Variants in CCL26 observed in about 807,000 individuals in gnomAD.
The protein encoded by CCL26 is C-C motif chemokine 26.
In CCL26, 10 loss-of-function variants were observed where a neutral mutation model predicts 10.7. That is an observed-to-expected ratio of 0.93 (90% CI 0.57 to 1.58). CCL26 has a LOEUF of 1.58. Ranked by LOEUF, CCL26 falls within the 40% of genes most tolerant of loss-of-function variation. The probability of loss-of-function intolerance (pLI) is 0.00; values close to 1 mark genes in which losing one functional copy is unlikely to be tolerated. For synonymous variants in CCL26, 43 were observed against 41.4 expected (o/e 1.04, Z -0.15); for missense variants, 116 against 111.0 (o/e 1.05, Z -0.20).
chr7:75,786,702 T>G lies in CCL26; in HGVS notation c.-79+3015A>C, dbSNP rs1554530037. ...AGCAGCTAACGTTCCAATGGCCAGTTTTTCTTCTTCTCATCGGTCACTCCC... is the reference window on the plus strand; with the variant it reads ...AGCAGCTAACGTTCCAATGGCCAGTGTTTCTTCTTCTCATCGGTCACTCCC... On this transcript the variant is annotated intron_variant, in intron 1 of 3. Transcript: ENST00000394905. Among the ~76,000 whole-genome samples the G allele has an allele frequency of 2.0e-5, 3 of 152,100 alleles. No individual in the cohort carries two copies. In the East Asian group the frequency reaches 5.8e-4, roughly 29 times the overall value.
intron 2 of CCL26, among the ~76,000 whole-genome samples, chr7:75,770,114 C>T (rs1414531065): frequency 2.7e-5 from 4 of 150,894 alleles, no homozygotes; most frequent in African/African-American, 7.3e-5. Context: ...CTGTTGCCCA[C>T]ATTGGAGTGC....
upstream of CCL26, chr7:75,772,212 A>T: frequency 6.8e-7 from 1 of 1,473,262 alleles, no homozygotes; most frequent in East Asian, 2.5e-5. Context: ...GGTTTCTCCC[A>T]AACTCCTCCT....
chr7:75,769,562 A>T lies in CCL26; in HGVS notation c.*131T>A, dbSNP rs2115626956. On this transcript the variant is annotated 3_prime_UTR_variant, in exon 3 of 3. Transcript: ENST00000005180. ...CTCTATGAACAACCTTTATTAAAGTAACTCTGGGAGGAAACACCCTCTCCT... is the reference window on the plus strand; with the variant it reads ...CTCTATGAACAACCTTTATTAAAGTTACTCTGGGAGGAAACACCCTCTCCT... 1 of 581,512 alleles carries T rather than the reference A, an allele frequency of 1.7e-6. No homozygotes were observed. The highest frequency in any genetic ancestry group is 3.0e-5 in the Admixed American group (1 of 32,840). The allele number at this position is 581,512 out of a possible 1,614,324, so 36.0% of individuals were successfully genotyped here.
At chr7:75,790,517 A>C (rs1168515906), upstream of CCL26, among the ~76,000 whole-genome samples, 2 of 151,930 alleles carry the variant, frequency 1.3e-5, no homozygotes, top group Non-Finnish European at 2.9e-5. Context: ...CTCCCACCTC[A>C]GCCTCCCAAA....
intron 1 of CCL26, among the ~76,000 whole-genome samples, chr7:75,785,842 G>C (rs1313449851): frequency 2.6e-5 from 4 of 151,894 alleles, no homozygotes; most frequent in African/African-American, 9.7e-5. Context: ...AAAGTGCAGG[G>C]CTGTGCAGTT....
chr7:75,773,203 A>AAT (rs555629442), upstream of CCL26, among the ~76,000 whole-genome samples: 1,198 of 151,684 alleles, frequency 7.9e-3, 8 homozygotes, highest in Middle Eastern at 0.014. Context: ...AACAACAAAT[A>AAT]ATATATATAT....
At chr7:75,789,743 C>T (rs554361692) in exon 1 of CCL26, 1 of 152,182 alleles carries the variant, frequency 6.6e-6, no homozygotes, top group Non-Finnish European at 1.5e-5. Context: ...AGCCTCAATT[C>T]CAGACTCCTG....
intron 2 of CCL26, among the ~76,000 whole-genome samples, 168 bp downstream of exon 2, chr7:75,771,721 A>C (rs910798090): frequency 2.6e-5 from 4 of 152,160 alleles, no homozygotes; most frequent in African/African-American, 4.8e-5. Context: ...CGTCTCAAAA[A>C]GAGAAAAAAA....
chr7:75,780,143 C>T (rs1803029976), intron 1 of CCL26, among the ~76,000 whole-genome samples: 1 of 149,856 alleles, frequency 6.7e-6, no homozygotes, highest in South Asian at 2.2e-4. Context: ...ACCTTTTCTC[C>T]ACTTTCCTGG....
intron 1 of CCL26, among the ~76,000 whole-genome samples, chr7:75,780,061 C>A (rs1803027783): frequency 6.6e-6 from 1 of 150,556 alleles, no homozygotes; most frequent in African/African-American, 2.5e-5. Flanking sequence ...TCTACCCTCT[C>A]TTTTCTCCAC....
intron 1 of CCL26, among the ~76,000 whole-genome samples, chr7:75,788,173 T>G (rs1340361225): frequency 3.9e-5 from 6 of 152,138 alleles, no homozygotes; most frequent in Admixed American, 2.0e-4. Context: ...ATGTCAGGCC[T>G]CTGAGCCCAA....
At chr7:75,779,461 T>G (rs1488419140) in intron 1 of CCL26, among the ~76,000 whole-genome samples, 2 of 152,202 alleles carry the variant, frequency 1.3e-5, no homozygotes, top group African/African-American at 2.4e-5. Context: ...ATTGGGTAAG[T>G]GGCCTCTCTT....
At chr7:75,779,301 C>T (rs782393082) in intron 1 of CCL26, among the ~76,000 whole-genome samples, 2 of 152,126 alleles carry the variant, frequency 1.3e-5, no homozygotes. Context: ...CACACGGACG[C>T]GAGTGGAATT....
At chr7:75,778,404 T>A (rs1296165432) in intron 1 of CCL26, among the ~76,000 whole-genome samples, 2 of 103,496 alleles carry the variant, frequency 1.9e-5, no homozygotes, top group Middle Eastern at 4.5e-3. Context: ...GTATTTTTGG[T>A]GTGGTTTTTT....
intron 1 of CCL26, among the ~76,000 whole-genome samples, chr7:75,785,266 C>T (rs953302042): frequency 2.0e-5 from 3 of 152,178 alleles, no homozygotes; most frequent in African/African-American, 7.2e-5. Flanking sequence ...GTCCCCGCAG[C>T]TTACCAGGGC....
intron 1 of CCL26, among the ~76,000 whole-genome samples, chr7:75,785,605 A>G (rs1240760345): frequency 1.3e-5 from 2 of 152,120 alleles, no homozygotes; most frequent in African/African-American, 4.8e-5. Flanking sequence ...TCTACTTAAC[A>G]ACAAGTCCTT....
upstream of CCL26, among the ~76,000 whole-genome samples, chr7:75,773,543 C>T (rs1018814622): frequency 2.0e-5 from 3 of 152,076 alleles, no homozygotes; most frequent in African/African-American, 7.2e-5. Flanking sequence ...TGAGCCACCA[C>T]GTCTGGCCAT....
At chr7:75,786,006 C>A (rs1295385508) in intron 1 of CCL26, among the ~76,000 whole-genome samples, 1 of 152,220 alleles carries the variant, frequency 6.6e-6, no homozygotes, top group Non-Finnish European at 1.5e-5. Flanking sequence ...CTATGCTCAA[C>A]TCACTCTCTA....
intron 1 of CCL26, among the ~76,000 whole-genome samples, chr7:75,785,564 T>C (rs569685101): frequency 6.6e-6 from 1 of 152,346 alleles, no homozygotes; most frequent in African/African-American, 2.4e-5. Flanking sequence ...CTGTCGATCA[T>C]GTCTGACTGA....
Sources: gnomAD v4.1 joint callset for allele counts (sites outside exome capture counted in the v4.1 genomes callset) on GRCh38, gnomAD v4.1.1 for gene constraint, MANE v1.5 for transcripts, NCBI Gene and HGNC (gene_info 2026-07-23, HGNC 2026-07-21) for gene names.